Variants in CNTN4 observed in about 807,000 individuals in gnomAD.
CNTN4 encodes contactin 4.
A neutral mutation model predicts 122.5 loss-of-function variants in CNTN4; 77 were observed. The ratio of observed to expected loss-of-function variants is 0.63; its 90% CI spans 0.52 to 0.76. The LOEUF (loss-of-function observed/expected upper bound fraction) is 0.76, where lower values mean the gene tolerates loss of function less well. CNTN4 is among the 30% of genes least tolerant of loss of function. The pLI is 0.00. For missense variants in CNTN4, 1,256 were observed against 1,259.1 expected, an observed-to-expected ratio of 1.00 and a Z score of 0.04; for synonymous variants, 512 against 447.0, an observed-to-expected ratio of 1.15 and a Z score of -1.83.
At chr3:3,000,359 G>C (rs1320321898) in intron 14 of CNTN4, among the ~76,000 whole-genome samples, 3 of 151,770 alleles carry the variant, frequency 2.0e-5, no homozygotes, top group South Asian at 2.1e-4. Flanking sequence ...AGAAACTGAG[G>C]CTGGGTAATC....
rs1574871265 is a variant in CNTN4, at chr3:2,120,971, A to T, written c.-145+20332A>T. ...CCTAGATGAGAAAACTGAGAATCAG[A>T]GAGAGTTAGTATGAGGCTCCTCACA... On this transcript the variant is annotated intron_variant, in intron 2 of 24. Transcript: ENST00000418658. Among the ~76,000 whole-genome samples the T allele has an allele frequency of 2.6e-5, 4 of 152,268 alleles. 1 individual carries two copies. In the East Asian group the frequency reaches 7.8e-4, roughly 30 times the overall value.
chr3:2,384,767 T>C (rs1394781925), intron 3 of CNTN4, among the ~76,000 whole-genome samples: 2 of 151,422 alleles, frequency 1.3e-5, no homozygotes, highest in African/African-American at 4.8e-5. Flanking sequence ...TGTGCGTGTG[T>C]GTGTGTGTGT....
intron 4 of CNTN4, among the ~76,000 whole-genome samples, chr3:2,603,378 C>T (rs1298605760): frequency 1.3e-5 from 2 of 152,130 alleles, no homozygotes; most frequent in Non-Finnish European, 2.9e-5. Context: ...TTGTCAGTCT[C>T]TTGTAACATT....
At chr3:2,261,130 A>G (rs2040819886) in intron 2 of CNTN4, among the ~76,000 whole-genome samples, 1 of 152,202 alleles carries the variant, frequency 6.6e-6, no homozygotes, top group South Asian at 2.1e-4. Context: ...TGAACACATC[A>G]CATTTGGAGG....
intron 4 of CNTN4, among the ~76,000 whole-genome samples, chr3:2,584,898 A>G (rs1559269574): frequency 6.6e-6 from 1 of 151,258 alleles, no homozygotes; most frequent in Non-Finnish European, 1.5e-5. Flanking sequence ...ACGAAGTAGG[A>G]AGGTAGGTAG....
chr3:2,192,152 C>G (rs2037600246), intron 2 of CNTN4, among the ~76,000 whole-genome samples: 1 of 152,018 alleles, frequency 6.6e-6, no homozygotes, highest in Non-Finnish European at 1.5e-5. Context: ...GGGTTGGTTC[C>G]AAGTCTTTGC....
At chr3:3,028,184 A>G (rs1329061977) in intron 15 of CNTN4, among the ~76,000 whole-genome samples, 1 of 152,180 alleles carries the variant, frequency 6.6e-6, no homozygotes, top group Non-Finnish European at 1.5e-5. Context: ...AGGTTTTATA[A>G]AAGTTATTAT....
intron 13 of CNTN4, among the ~76,000 whole-genome samples, chr3:2,955,210 A>G (rs2094786908): frequency 6.6e-6 from 1 of 152,234 alleles, no homozygotes; most frequent in Admixed American, 6.5e-5. Flanking sequence ...AAAGTCATAT[A>G]TAATGAGCAA....
rs150407495 is a variant in CNTN4 at position 2,574,488 on chromosome 3, G to T, written c.55+2930G>T. On this transcript the variant is annotated intron_variant, in intron 4 of 24. Transcript: ENST00000418658. ...TGATAAGATCTGTTAATTATTTGAG[G>T]GCATTTATTAGTACTTTATGGTACA... Among the ~76,000 whole-genome samples, 257 of 152,118 alleles carry T rather than the reference G, an allele frequency of 1.7e-3. 1 individual carries two copies. Among genetic ancestry groups the T allele is most frequent in the African/African-American group, 5.9e-3 (245 of 41,474 alleles).
At chr3:2,213,588 C>T (rs2038712340) in intron 2 of CNTN4, among the ~76,000 whole-genome samples, 1 of 152,140 alleles carries the variant, frequency 6.6e-6, no homozygotes. Flanking sequence ...GCCAGAGTCT[C>T]AAATGTAGCA....
At chr3:2,813,785 C>G (rs1374776110) in intron 6 of CNTN4, among the ~76,000 whole-genome samples, 4 of 152,180 alleles carry the variant, frequency 2.6e-5, no homozygotes, top group Non-Finnish European at 4.4e-5. Context: ...TTCCCCAGCT[C>G]TAAATATTTA....
intron 2 of CNTN4, among the ~76,000 whole-genome samples, chr3:2,158,124 G>A (rs1002092140): frequency 1.3e-5 from 2 of 152,136 alleles, no homozygotes; most frequent in Admixed American, 6.5e-5. Flanking sequence ...GAGAATGCTT[G>A]AAGGGGCTTT....
chr3:3,050,763 C>CAAAAAAAAAAAAA (rs1184756504), intron 23 of CNTN4, among the ~76,000 whole-genome samples: 7 of 85,002 alleles, frequency 8.2e-5, no homozygotes, highest in African/African-American at 2.2e-4. Flanking sequence ...AACTCCGTCT[C>CAAAAAAAAAAAAA]AAAAAAAAAA....
chr3:2,190,302 C>G (rs1218831562), intron 2 of CNTN4, among the ~76,000 whole-genome samples: 3 of 133,718 alleles, frequency 2.2e-5, no homozygotes, highest in African/African-American at 8.0e-5. Flanking sequence ...CCACATCTGA[C>G]TTGTGTGTGT....
chr3:2,359,530 A>G (rs1314820657), intron 3 of CNTN4, among the ~76,000 whole-genome samples: 1 of 152,054 alleles, frequency 6.6e-6, no homozygotes, highest in Non-Finnish European at 1.5e-5. Flanking sequence ...GAAATCATGT[A>G]TATATGATTT....
intron 2 of CNTN4, among the ~76,000 whole-genome samples, chr3:2,330,252 C>T (rs766519756): frequency 7.9e-5 from 12 of 152,240 alleles, no homozygotes; most frequent in Non-Finnish European, 1.5e-4. Context: ...AAGGTATGTG[C>T]GAAGGAGCAC....
At chr3:2,117,373 A>G (rs1209613995) in intron 2 of CNTN4, among the ~76,000 whole-genome samples, 1 of 152,068 alleles carries the variant, frequency 6.6e-6, no homozygotes, top group Admixed American at 6.5e-5. Context: ...TGGGCACACT[A>G]CCCTCCAGGA....
chr3:2,464,180 G>A (rs1183349550), intron 3 of CNTN4, among the ~76,000 whole-genome samples: 2 of 152,232 alleles, frequency 1.3e-5, no homozygotes, highest in African/African-American at 4.8e-5. Flanking sequence ...AATACCTAGG[G>A]TCCTAGCAGT....
At chr3:2,662,370 G>C (rs1411980095) in intron 4 of CNTN4, among the ~76,000 whole-genome samples, 1 of 152,176 alleles carries the variant, frequency 6.6e-6, no homozygotes, top group Non-Finnish European at 1.5e-5. Context: ...AGTCATTCAG[G>C]GATGCAGATT....
Sources: gnomAD v4.1 joint callset for allele counts (sites outside exome capture counted in the v4.1 genomes callset) on GRCh38, gnomAD v4.1.1 for gene constraint, MANE v1.5 for transcripts, NCBI Gene and HGNC (gene_info 2026-07-23, HGNC 2026-07-21) for gene names.